Variants in CACNA2D2 observed in about 807,000 individuals in gnomAD.
CACNA2D2 encodes the protein voltage-dependent calcium channel subunit alpha-2/delta-2.
CACNA2D2 carries 48 observed loss-of-function variants against 166.4 expected under a neutral mutation model. That is an observed-to-expected ratio of 0.29 (90% confidence interval 0.23 to 0.37). CACNA2D2 has a LOEUF of 0.37. CACNA2D2 is among the 10% of genes least tolerant of loss of function. The pLI, the probability that CACNA2D2 is intolerant of heterozygous loss-of-function variation, is 1.00. For missense variants in CACNA2D2, 1,122 were observed against 1,433.0 expected (o/e 0.78, Z 3.50); for synonymous variants, 561 against 573.7 (o/e 0.98, Z 0.32).
At chr3:50,477,845 T>A (rs1697863382) in intron 1 of CACNA2D2, among the ~76,000 whole-genome samples, 1 of 152,132 alleles carries the variant, frequency 6.6e-6, no homozygotes, top group Non-Finnish European at 1.5e-5. Flanking sequence ...CAGTGCCACT[T>A]GGGCCAGGAC....
At chr3:50,425,519 C>T (rs546105324) in intron 3 of CACNA2D2, among the ~76,000 whole-genome samples, 7 of 152,302 alleles carry the variant, frequency 4.6e-5, no homozygotes, top group South Asian at 2.1e-4. Flanking sequence ...TCCTGGCCAC[C>T]GGCTCGCCCT....
At chr3:50,466,363 G>A (rs763440346) in intron 2 of CACNA2D2, among the ~76,000 whole-genome samples, 6 of 151,998 alleles carry the variant, frequency 3.9e-5, no homozygotes, top group African/African-American at 9.7e-5. Flanking sequence ...TCGCCTGCTC[G>A]GGTGACAGAG....
intron 1 of CACNA2D2, among the ~76,000 whole-genome samples, chr3:50,492,820 A>G (rs921747129): frequency 4.6e-5 from 7 of 151,380 alleles, no homozygotes; most frequent in Admixed American, 6.6e-5. Context: ...TCCTGTGGCT[A>G]GGGGTTGCCT....
intron 2 of CACNA2D2, among the ~76,000 whole-genome samples, chr3:50,460,469 A>C (rs1189041418): frequency 1.4e-5 from 2 of 147,814 alleles, no homozygotes; most frequent in African/African-American, 2.7e-5. Flanking sequence ...ATTTCAAAAT[A>C]AAAAGTTTTT....
intron 2 of CACNA2D2, among the ~76,000 whole-genome samples, chr3:50,441,181 G>A (rs1708579006): frequency 6.6e-6 from 1 of 152,020 alleles, no homozygotes. Flanking sequence ...AAGGCCTGGC[G>A]GCTCTGTGGT....
chr3:50,383,839 G>A (rs945883724), intron 6 of CACNA2D2, among the ~76,000 whole-genome samples: 1 of 152,188 alleles, frequency 6.6e-6, no homozygotes, highest in Middle Eastern at 3.2e-3. Context: ...AATGGGGAAG[G>A]GTGGTGAGGA....
intron 3 of CACNA2D2, chr3:50,416,065 T>C (rs1707251225): frequency 6.6e-6 from 1 of 152,278 alleles, no homozygotes; most frequent in African/African-American, 2.4e-5. Context: ...CATCAGCTGA[T>C]TTACAGAGGT....
intron 2 of CACNA2D2, among the ~76,000 whole-genome samples, chr3:50,452,425 A>G (rs564901552): frequency 1.3e-5 from 2 of 152,322 alleles, no homozygotes; most frequent in East Asian, 3.9e-4. Context: ...TAAAGTGGGC[A>G]TTGTTGTGCT....
At chr3:50,473,227 C>T (rs2236990) in intron 2 of CACNA2D2, among the ~76,000 whole-genome samples, 14,771 of 152,270 alleles carry the variant, frequency 0.097, 2,091 homozygotes, top group African/African-American at 0.31. Flanking sequence ...AATGGGCCAG[C>T]CTGCACCCAG....
chr3:50,421,253 A>G (rs1707546661), intron 3 of CACNA2D2, among the ~76,000 whole-genome samples: 1 of 152,218 alleles, frequency 6.6e-6, no homozygotes, highest in South Asian at 2.1e-4. Flanking sequence ...TTGCAAAGTG[A>G]GCTAATTACA....
At chr3:50,490,819 A>G (rs1698490220) in intron 1 of CACNA2D2, among the ~76,000 whole-genome samples, 1 of 152,228 alleles carries the variant, frequency 6.6e-6, no homozygotes, top group Non-Finnish European at 1.5e-5. Flanking sequence ...CCAGGCAGCA[A>G]GGTCTATTTC....
chr3:50,482,960 G>A (rs1698117228), intron 1 of CACNA2D2, among the ~76,000 whole-genome samples: 1 of 152,196 alleles, frequency 6.6e-6, no homozygotes, highest in African/African-American at 2.4e-5. Context: ...ACTCCCCAGA[G>A]GCCACCTGGG....
At chr3:50,399,734 G>C (rs560098500) in intron 3 of CACNA2D2, among the ~76,000 whole-genome samples, 4 of 152,300 alleles carry the variant, frequency 2.6e-5, no homozygotes, top group African/African-American at 4.8e-5. Context: ...ACCCAGGTTC[G>C]CCTGGTGGTA....
At chr3:50,378,218 C>T (rs1229242014) in intron 14 of CACNA2D2, 66 bp downstream of exon 14, 1 of 1,558,476 alleles carries the variant, frequency 6.4e-7, no homozygotes, top group Non-Finnish European at 8.7e-7. Context: ...CCCACAGCAG[C>T]CCATGGCACA....
At chr3:50,391,217 CT>C (rs1705870343) in intron 4 of CACNA2D2, among the ~76,000 whole-genome samples, 1 of 152,238 alleles carries the variant, frequency 6.6e-6, no homozygotes, top group African/African-American at 2.4e-5. Context: ...GGGCTGTGTC[CT>C]TCCCTTACAC....
At chr3:50,472,302 T>C (rs955939456) in intron 2 of CACNA2D2, among the ~76,000 whole-genome samples, 1 of 152,252 alleles carries the variant, frequency 6.6e-6, no homozygotes, top group African/African-American at 2.4e-5. Context: ...GGTCACGCCG[T>C]ATGCCATTTC....
chr3:50,368,921 G>A (rs1368248373), intron 23 of CACNA2D2, among the ~76,000 whole-genome samples: 1 of 152,226 alleles, frequency 6.6e-6, no homozygotes, highest in African/African-American at 2.4e-5. Context: ...CCTCTACCCT[G>A]ATAGGTGGAG....
At position 50,367,035 on chromosome 3, in the gene CACNA2D2, C is replaced by T; in HGVS notation, c.2476G>A (p.Gly826Ser). Residue 826 changes from glycine to serine, a missense_variant, in exon 28 of 38, where the codon GGC becomes AGC. By Grantham distance (56) the Gly-to-Ser change is moderately conservative (BLOSUM62 0). Transcript: ENST00000424201. This position sits in a 1 kb window ranked among gnomAD's most constrained non-coding sequence, Gnocchi z 6.5. Reference protein sequence around the residue: ...LVSTAVELSLGRRTLRPAVVG... With the variant: ...LVSTAVELSLSRRTLRPAVVG... ...CCTGCTGGCCTCAGTGTGCGCCTGC[C>T]TAGGCTGAGCTCCACAGCTGTGCTG... The T allele has an allele frequency of 6.2e-7, 1 of 1,613,840 alleles. No individual in the cohort carries two copies. The highest frequency in any genetic ancestry group is 1.1e-5 in the South Asian group (1 of 91,090).
upstream of CACNA2D2, among the ~76,000 whole-genome samples, chr3:50,503,912 C>A (rs1011455944): frequency 2.6e-5 from 4 of 152,192 alleles, no homozygotes; most frequent in Non-Finnish European, 5.9e-5. Flanking sequence ...CCCCACCCCA[C>A]CCGCGGGAAG....
Sources: allele counts gnomAD v4.1 joint callset (sites outside exome capture counted in the v4.1 genomes callset), GRCh38; gene constraint gnomAD v4.1.1; non-coding constraint Gnocchi (gnomAD v3.1); transcripts MANE v1.5; gene names NCBI Gene and HGNC (gene_info 2026-07-23, HGNC 2026-07-21).